The following SMAD5 variants were observed in gnomAD, a reference collection of about 807,000 sequenced individuals.
The protein encoded by SMAD5 is MAD, mothers against decapentaplegic homolog 5.
SMAD5 carries 9 observed loss-of-function variants against 43.1 expected under a neutral mutation model. The ratio of observed to expected loss-of-function variants is 0.21; its 90% CI spans 0.13 to 0.36. SMAD5 has a LOEUF of 0.36. SMAD5 is among the 10% of genes least tolerant of loss of function. The pLI is 1.00. For missense variants in SMAD5, 348 were observed against 574.0 expected (o/e 0.61, Z 4.02); for synonymous variants, 190 against 192.4 (o/e 0.99, Z 0.10).
chr5:136,148,659 T>C (rs1753349000), intron 2 of SMAD5, among the ~76,000 whole-genome samples: 1 of 151,800 alleles, frequency 6.6e-6, no homozygotes, highest in South Asian at 2.1e-4. Context: ...AGGAGTCTTA[T>C]GTCCTTTGGC....
At chr5:136,152,101 C>T (rs772422844) in intron 2 of SMAD5, among the ~76,000 whole-genome samples, 3 of 152,072 alleles carry the variant, frequency 2.0e-5, no homozygotes, top group Non-Finnish European at 4.4e-5. Flanking sequence ...CAAGGCATAT[C>T]CATACATAAG....
At chr5:136,139,403 C>T (rs550342647) in intron 1 of SMAD5, among the ~76,000 whole-genome samples, 1 of 152,092 alleles carries the variant, frequency 6.6e-6, no homozygotes, top group Non-Finnish European at 1.5e-5. Flanking sequence ...CTTTAGCTTT[C>T]TTATCTGCAT....
intron 1 of SMAD5, chr5:136,134,421 A>G (rs929421187): frequency 9.2e-5 from 14 of 152,376 alleles, no homozygotes; most frequent in African/African-American, 2.9e-4. Flanking sequence ...GTTTAGTAAC[A>G]TTCCAAATAG....
chr5:136,163,884 A>G lies in SMAD5; in HGVS notation c.775+493A>G, dbSNP rs187809588. On this transcript the variant is annotated intron_variant, in intron 5 of 7. Coordinates refer to ENST00000545279, the MANE Select transcript of SMAD5 (RefSeq NM_005903.7). ...TTTGAATTGTTTCCGTATTTTGATT[A>G]TTATAAACATTTGCAGCTGGGCTCA... 3.4e-3 allele frequency among the ~76,000 whole-genome samples: 515 copies of G among 152,280 alleles called. 7 individuals carry two copies. The highest frequency in any genetic ancestry group is 0.012 in the African/African-American group (479 of 41,548).
intron 5 of SMAD5, among the ~76,000 whole-genome samples, chr5:136,168,392 AGTTGTTTT>A (rs1445858092): frequency 3.9e-5 from 5 of 128,450 alleles, no homozygotes; most frequent in Non-Finnish European, 6.5e-5. Flanking sequence ...ATGTTCATTT[AGTTGTTTT>A]GTTTTTTTGT....
intron 1 of SMAD5, among the ~76,000 whole-genome samples, chr5:136,137,866 G>A (rs1752941558): frequency 6.6e-6 from 1 of 152,200 alleles, no homozygotes; most frequent in African/African-American, 2.4e-5. Flanking sequence ...GTGCACATGA[G>A]TTCTCTGGAG....
chr5:136,160,819 C>G (rs370245735), intron 3 of SMAD5, 37 bp from the exon 4 acceptor site: 1 of 1,605,958 alleles, frequency 6.2e-7, no homozygotes, highest in Non-Finnish European at 8.5e-7. Flanking sequence ...TTTGTTTAGT[C>G]ATTCCTGACA....
intron 1 of SMAD5, among the ~76,000 whole-genome samples, chr5:136,140,097 A>G (rs1753022963): frequency 6.7e-6 from 1 of 148,578 alleles, no homozygotes. Flanking sequence ...ATCTTGGCTC[A>G]CTGCAACCTC....
intron 1 of SMAD5, among the ~76,000 whole-genome samples, chr5:136,143,703 T>C (rs1228463774): frequency 6.6e-6 from 1 of 151,914 alleles, no homozygotes; most frequent in South Asian, 2.1e-4. Context: ...GTAGTCACTC[T>C]CAAAATTTGT....
chr5:136,168,815 A>G (rs758777901), intron 5 of SMAD5, among the ~76,000 whole-genome samples: 11 of 152,196 alleles, frequency 7.2e-5, no homozygotes, highest in Non-Finnish European at 1.6e-4. Flanking sequence ...ATCATACAGT[A>G]TGTAGCTTTT....
At chr5:136,172,228 A>G (rs982419946) in intron 5 of SMAD5, among the ~76,000 whole-genome samples, 6 of 152,228 alleles carry the variant, frequency 3.9e-5, no homozygotes, top group Non-Finnish European at 8.8e-5. Context: ...TGGTATTTCT[A>G]TAACTTTTTA....
intron 1 of SMAD5, among the ~76,000 whole-genome samples, chr5:136,143,885 A>G (rs1753175667): frequency 6.6e-6 from 1 of 151,980 alleles, no homozygotes; most frequent in South Asian, 2.1e-4. Context: ...CATTTGCAAC[A>G]CAGTTAATTC....
chr5:136,139,692 C>A (rs192835350), intron 1 of SMAD5, among the ~76,000 whole-genome samples: 18 of 152,150 alleles, frequency 1.2e-4, no homozygotes, highest in African/African-American at 3.9e-4. Flanking sequence ...AACATACCAG[C>A]CAGGATTTAT....
rs778112023 is a variant in SMAD5, at chr5:136,174,466, A to G, written c.1088A>G (p.His363Arg). ...GTACAGAGTAGGAACTGCAACTTTC[A>G]TCATGGCTTTCATCCCACCACTGTC... ...IFVQSRNCNF[H>R]HGFHPTTVCK... Residue 363 changes from histidine (H) to arginine (R), a missense_variant, in exon 7 of 8, where the codon CAT (histidine) becomes CGT (arginine). Physicochemically the swap from His to Arg is conservative, Grantham distance 29 (BLOSUM62 0). Transcript: ENST00000545279. 4.3e-6 allele frequency: 7 copies of G among 1,614,014 alleles called. No individual in the cohort carries two copies. The highest frequency in any genetic ancestry group is 1.1e-5 in the South Asian group (1 of 91,086).
At chr5:136,165,122 T>C (rs189015859) in intron 5 of SMAD5, among the ~76,000 whole-genome samples, 472 of 152,192 alleles carry the variant, frequency 3.1e-3, no homozygotes, top group Non-Finnish European at 5.9e-3. Context: ...ATTTTTTTGT[T>C]GTTTTGTTTT....
chr5:136,162,180 A>G (rs567556639), intron 4 of SMAD5, among the ~76,000 whole-genome samples: 31 of 152,336 alleles, frequency 2.0e-4, no homozygotes, highest in Middle Eastern at 6.8e-3. Flanking sequence ...CCCGGCACTC[A>G]CACTGGGACT....
chr5:136,172,642 A>G lies in SMAD5; in HGVS notation c.984A>G (p.Arg328=), dbSNP rs989671406. The G allele has an allele frequency of 1.3e-5, 20 of 1,595,468 alleles. No individual in the cohort carries two copies. The highest frequency in any genetic ancestry group is 1.7e-5 in the Non-Finnish European group (20 of 1,163,288). The change falls in exon 6 of 8, where the codon CGA becomes CGG. Residue 328 remains arginine (R), a synonymous_variant. Coordinates refer to ENST00000545279, the MANE Select transcript of SMAD5 (RefSeq NM_005903.7). ...NRNSTIENTR[R]HIGKGVHLYY... ...ATTCGACAATTGAAAACACTAGGCG[A>G]CATATTGGAAAAGGTAATCTTGTCA...
intron 1 of SMAD5, chr5:136,133,523 TA>T (rs1232547877): frequency 6.6e-6 from 1 of 152,322 alleles, no homozygotes; most frequent in Non-Finnish European, 1.5e-5. Flanking sequence ...AATCAGCTGG[TA>T]GTTAGACCTG....
chr5:136,172,397 A>G (rs1453568510), intron 5 of SMAD5, 37 bp from the exon 6 acceptor site: 1 of 1,195,842 alleles, frequency 8.4e-7, no homozygotes, highest in Admixed American at 2.1e-5. Flanking sequence ...AGTTTCTGAT[A>G]TGTATTAAAC....
Sources: allele counts gnomAD v4.1 joint callset (sites outside exome capture counted in the v4.1 genomes callset), GRCh38; gene constraint gnomAD v4.1.1; transcripts MANE v1.5; gene names NCBI Gene and HGNC (gene_info 2026-07-23, HGNC 2026-07-21).